The following SVOPL variants were observed in gnomAD, a reference collection of about 807,000 sequenced individuals.
SVOPL encodes SVOP like, also known as putative transporter SVOPL.
In SVOPL, 60 loss-of-function variants were observed where a neutral mutation model predicts 61.0. The observed-to-expected ratio is 0.98, with a 90% CI of 0.80 to 1.22. SVOPL has a LOEUF of 1.22. Ranked by LOEUF, SVOPL falls within the 50% of genes most tolerant of loss-of-function variation. The pLI, the probability that SVOPL is intolerant of heterozygous loss-of-function variation, is 0.00. For synonymous variants in SVOPL, 279 were observed against 250.0 expected, an observed-to-expected ratio of 1.12 and a Z score of -1.09; for missense variants, 662 against 643.9, an observed-to-expected ratio of 1.03 and a Z score of -0.30.
chr7:138,637,552 C>A (rs1049621252), intron 9 of SVOPL, among the ~76,000 whole-genome samples: 16 of 150,890 alleles, frequency 1.1e-4, no homozygotes, highest in African/African-American at 3.2e-4. Context: ...ACACACACAC[C>A]CCCCAGAGCA....
intron 4 of SVOPL, among the ~76,000 whole-genome samples, chr7:138,666,848 CA>C (rs1211959899): frequency 1.3e-5 from 2 of 152,150 alleles, no homozygotes; most frequent in African/African-American, 2.4e-5. Context: ...GCTTTGCCCC[CA>C]AACCTGCCAA....
rs1298812345 is a variant in SVOPL, at chr7:138,655,480, G to A, written c.534+968C>T. On this transcript the variant is annotated intron_variant, in intron 7 of 15. Transcript: ENST00000674285. ...AGATGGCGCCATTCCACTCCATCCT[G>A]GGCAACAAGAGCGAAACTCCATTTC... Among the ~76,000 whole-genome samples the A allele has an allele frequency of 2.6e-5, 4 of 151,886 alleles. 1 individual carries two copies. Among genetic ancestry groups the A allele is most frequent in the Non-Finnish European group, 5.9e-5 (4 of 67,980 alleles).
chr7:138,660,904 T>TTAAGGAAAAATTTCCTTACATATTTGA (rs1801972935), intron 5 of SVOPL: 6 of 985,166 alleles, frequency 6.1e-6, no homozygotes, highest in Non-Finnish European at 2.4e-6. Context: ...GCAGGACTCT[T>TTAAGGAAAAATTTCCTTACATATTTGA]TAAGGAAAAA....
chr7:138,675,252 A>T (rs1173428372), intron 3 of SVOPL, among the ~76,000 whole-genome samples: 2 of 150,948 alleles, frequency 1.3e-5, no homozygotes, highest in Admixed American at 1.3e-4. Flanking sequence ...AAGAAAAAAG[A>T]AAAAAAGAAA....
At chr7:138,623,595 G>C (rs372532592) in intron 13 of SVOPL, among the ~76,000 whole-genome samples, 27 of 152,102 alleles carry the variant, frequency 1.8e-4, no homozygotes, top group African/African-American at 6.3e-4. Flanking sequence ...ACAAGACTCT[G>C]TCTCAAAACA....
intron 8 of SVOPL, among the ~76,000 whole-genome samples, chr7:138,645,382 C>T (rs756377982): frequency 6.6e-6 from 1 of 152,196 alleles, no homozygotes; most frequent in Non-Finnish European, 1.5e-5. Flanking sequence ...CTGACCACCT[C>T]CCGTCTCTCA....
chr7:138,605,564 A>C (rs1377112383), intron 14 of SVOPL, among the ~76,000 whole-genome samples: 1 of 146,496 alleles, frequency 6.8e-6, no homozygotes, highest in Non-Finnish European at 1.5e-5. Flanking sequence ...TGGGAGGCTG[A>C]GGCAGGAGAA....
chr7:138,653,245 C>T (rs566724811), intron 7 of SVOPL, among the ~76,000 whole-genome samples: 18 of 152,302 alleles, frequency 1.2e-4, no homozygotes, highest in Admixed American at 1.0e-3. Context: ...GAAGCTGCAG[C>T]AGGTCATCCA....
At chr7:138,608,616 A>G (rs1798858802) in intron 14 of SVOPL, among the ~76,000 whole-genome samples, 2 of 152,162 alleles carry the variant, frequency 1.3e-5, no homozygotes, top group South Asian at 4.1e-4. Context: ...TCACTCTGTG[A>G]AATGTGAGTA....
At chr7:138,632,449 C>G (rs566555339) in intron 9 of SVOPL, among the ~76,000 whole-genome samples, 1 of 145,926 alleles carries the variant, frequency 6.9e-6, no homozygotes, top group South Asian at 2.2e-4. Flanking sequence ...AATAAACAGA[C>G]AGATGACTGT....
chr7:138,643,388 G>T (rs1800930398), intron 9 of SVOPL, among the ~76,000 whole-genome samples: 1 of 134,452 alleles, frequency 7.4e-6, no homozygotes, highest in Non-Finnish European at 1.5e-5. Flanking sequence ...TCACGCCACT[G>T]CACTCCAGCC....
rs931387536 is a variant in SVOPL, at chr7:138,659,954, A to C, written c.380T>G (p.Phe127Cys). 11 of 1,551,400 alleles carry C rather than the reference A, an allele frequency of 7.1e-6. No individual in the cohort carries two copies. The African/African-American group carries it at 1.4e-4, about 19-fold the overall frequency. ...AGGAGCAAACGAGGTCAGCAAGGAGAAATAGGCTCCCCACAGGAACGAGAT... is the reference window on the plus strand; with the variant it reads ...AGGAGCAAACGAGGTCAGCAAGGAGCAATAGGCTCCCCACAGGAACGAGAT... ...LLISFLWGAY[F>C]SLLTSFAPSY... Residue 127 changes from phenylalanine to cysteine, a missense_variant, in exon 6 of 16, where the codon TTC (phenylalanine) becomes TGC (cysteine). Phe to Cys is a radical substitution (Grantham distance 205). Coordinates refer to ENST00000674285, the MANE Select transcript of SVOPL (RefSeq NM_001139456.2).
At chr7:138,670,255 A>G (rs1444252479) in intron 4 of SVOPL, among the ~76,000 whole-genome samples, 2 of 152,144 alleles carry the variant, frequency 1.3e-5, no homozygotes, top group African/African-American at 2.4e-5. Flanking sequence ...AACCACCTTT[A>G]TAAAGTAATA....
At chr7:138,647,076 C>T (rs1801153621) in intron 8 of SVOPL, among the ~76,000 whole-genome samples, 1 of 152,136 alleles carries the variant, frequency 6.6e-6, no homozygotes, top group South Asian at 2.1e-4. Flanking sequence ...TAGATTCATA[C>T]ATATTTAAGA....
intron 7 of SVOPL, among the ~76,000 whole-genome samples, chr7:138,653,556 C>T (rs1314671298): frequency 1.3e-5 from 2 of 152,108 alleles, no homozygotes; most frequent in Non-Finnish European, 2.9e-5. Flanking sequence ...AATTTCAGCA[C>T]TTTGGGAGGC....
At chr7:138,638,993 C>T (rs1480676577) in intron 9 of SVOPL, among the ~76,000 whole-genome samples, 1 of 152,224 alleles carries the variant, frequency 6.6e-6, no homozygotes, top group Non-Finnish European at 1.5e-5. Context: ...TGGCTCATGC[C>T]TGTAATCCCA....
chr7:138,641,345 A>T (rs936503455), intron 9 of SVOPL, among the ~76,000 whole-genome samples: 3 of 152,134 alleles, frequency 2.0e-5, no homozygotes, highest in Admixed American at 6.5e-5. Flanking sequence ...TAATGCATGG[A>T]CAAAAATCAA....
intron 9 of SVOPL, among the ~76,000 whole-genome samples, chr7:138,638,730 TA>T (rs1468036857): frequency 6.6e-6 from 1 of 152,104 alleles, no homozygotes; most frequent in Non-Finnish European, 1.5e-5. Flanking sequence ...CAGATAAAGG[TA>T]AAGGTAGCAA....
intron 1 of SVOPL, among the ~76,000 whole-genome samples, chr7:138,693,358 A>T (rs897071409): frequency 6.6e-6 from 1 of 151,768 alleles, no homozygotes; most frequent in African/African-American, 2.4e-5. Context: ...TGTACTAAAA[A>T]TTTTTTAAAA....
Sources: gnomAD v4.1 joint callset for allele counts (sites outside exome capture counted in the v4.1 genomes callset) on GRCh38, gnomAD v4.1.1 for gene constraint, MANE v1.5 for transcripts, NCBI Gene and HGNC (gene_info 2026-07-23, HGNC 2026-07-21) for gene names.